Variants in HERC1 observed in about 807,000 individuals in gnomAD.
HERC1 encodes probable E3 ubiquitin-protein ligase HERC1.
In HERC1, 160 loss-of-function variants were observed where a neutral mutation model predicts 554.3. The observed-to-expected ratio is 0.29, with a 90% CI of 0.25 to 0.33. The LOEUF is 0.33. Ranked by LOEUF, HERC1 falls within the 10% of genes least tolerant of loss-of-function variation. HERC1 has a pLI of 1.00. For synonymous variants in HERC1, 2,175 were observed against 2,131.7 expected, an observed-to-expected ratio of 1.02 and a Z score of -0.56; for missense variants, 4,919 against 5,918.5, an observed-to-expected ratio of 0.83 and a Z score of 5.54.
intron 37 of HERC1, among the ~76,000 whole-genome samples, chr15:63,676,945 A>C (rs576470903): frequency 6.6e-6 from 1 of 152,196 alleles, no homozygotes; most frequent in Non-Finnish European, 1.5e-5. Flanking sequence ...ATCAAGGAAG[A>C]TACTTGACAG....
intron 55 of HERC1, among the ~76,000 whole-genome samples, chr15:63,646,676 C>T (rs1357991536): frequency 1.3e-5 from 2 of 151,232 alleles, no homozygotes; most frequent in African/African-American, 2.4e-5. Flanking sequence ...GGAGTGGTGG[C>T]GGGCGCCTGT....
rs1422532613 is a variant in HERC1, at chr15:63,654,925, T to C, written c.10085-601A>G. 2.6e-5 allele frequency among the ~76,000 whole-genome samples: 4 copies of C among 151,908 alleles called. No homozygotes were observed. In the East Asian group the frequency reaches 5.8e-4, roughly 22 times the overall value. The stretch of plus-strand genomic sequence containing the variant: ...AATAGTCTTTGCTCCAAGGACTCAG[T>C]AGACTAAGAAAGCAGCAGAAATAAT... On this transcript the variant is annotated intron_variant, in intron 50 of 77. Coordinates refer to ENST00000443617, the MANE Select transcript of HERC1 (RefSeq NM_003922.4).
Position 63,739,723 on chromosome 15 carries a change from C to T in HERC1, c.2521-4874G>A, listed in dbSNP as rs1026441558. Among the ~76,000 whole-genome samples the T allele has an allele frequency of 5.9e-5, 9 of 151,848 alleles. No individual in the cohort carries two copies. In the East Asian group the frequency reaches 7.9e-4, roughly 13 times the overall value. ...GCATGGTGGTGTGCGCCTGCAGTCCCGGCTACTCGGGAGGCGAGGCAGGAT... is the reference window on the plus strand; with the variant it reads ...GCATGGTGGTGTGCGCCTGCAGTCCTGGCTACTCGGGAGGCGAGGCAGGAT... On this transcript the variant is annotated intron_variant, in intron 12 of 77. Coordinates refer to ENST00000443617, the MANE Select transcript of HERC1 (RefSeq NM_003922.4).
chr15:63,727,606 T>C lies in HERC1; in HGVS notation c.3346+41A>G, dbSNP rs757573089. ...GTGATGTGTGCAAGAGGAACAACTT[T>C]TCTCAAAGGCATTATTTGCTCTTTT... On this transcript the variant is annotated intron_variant, in intron 17 of 77. Coordinates refer to ENST00000443617, the MANE Select transcript of HERC1 (RefSeq NM_003922.4). The surrounding 1 kb of genome is among the most constrained non-coding windows in gnomAD (Gnocchi z 4.3). 2.7e-6 allele frequency: 4 copies of C among 1,472,652 alleles called. No homozygotes were observed. In the Admixed American group the frequency reaches 7.8e-5, roughly 29 times the overall value. The allele number at this position is 1,472,652 out of a possible 1,614,324, so 91.2% of individuals were successfully genotyped here.
chr15:63,725,146 G>T, intron 18 of HERC1, 146 bp downstream of exon 18: 1 of 685,084 alleles, frequency 1.5e-6, no homozygotes, highest in Non-Finnish European at 2.4e-6. Context: ...TTTTCTTAGG[G>T]CTCCAAGTCA....
Position 63,630,475 on chromosome 15 carries a change from T to C in HERC1, c.12957A>G (p.Ser4319=), listed in dbSNP as rs2068498812. ...CAATATAAATATTTACCTGCCCTTC[T>C]GAATTGCTCCCCCAGGCATACACAT... ...NGDVYAWGSN[S]EGQLGLGHTN... Residue 4319 remains serine, a synonymous_variant, in exon 69 of 78, where the codon TCA becomes TCG. Coordinates refer to ENST00000443617, the MANE Select transcript of HERC1 (RefSeq NM_003922.4). The C allele has an allele frequency of 6.2e-7, 1 of 1,612,126 alleles. No individual in the cohort carries two copies. Among genetic ancestry groups the C allele is most frequent in the African/African-American group, 1.3e-5 (1 of 74,848 alleles).
At chr15:63,637,909 G>T (rs2068855907) in intron 63 of HERC1, among the ~76,000 whole-genome samples, 1 of 152,146 alleles carries the variant, frequency 6.6e-6, no homozygotes, top group African/African-American at 2.4e-5. Flanking sequence ...AGGGGTGATG[G>T]GGAAACATTA....
At chr15:63,705,822 G>C in intron 25 of HERC1, among the ~76,000 whole-genome samples, 1 of 151,936 alleles carries the variant, frequency 6.6e-6, no homozygotes. Context: ...TTGAGCCCAG[G>C]AGTTCAAGAC....
Position 63,637,595 on chromosome 15 carries a change from CTG to C in HERC1, c.12140_12141del (p.Thr4047SerfsTer19). The C allele has an allele frequency of 6.4e-7, 1 of 1,554,464 alleles. No homozygotes were observed. The part of the protein sequence containing the change: ...NCTFVIQANG[T>X]VLACGEGSYG... The stretch of plus-strand genomic sequence containing the variant: ...TAACTTCCTTCCCCACAAGCCAACA[CTG>C]TGCCATTGGCCTGGATGACAAAGGT... On this transcript the variant is annotated frameshift_variant, in exon 64 of 78. Transcript: ENST00000443617. LOFTEE classifies it high-confidence loss of function.
At chr15:63,817,641 G>A (rs2077535997) in intron 1 of HERC1, among the ~76,000 whole-genome samples, 1 of 152,194 alleles carries the variant, frequency 6.6e-6, no homozygotes, top group African/African-American at 2.4e-5. Flanking sequence ...CTTGAACCCA[G>A]GAGTTGGAGG....
At chr15:63,737,157 C>T (rs886127555) in intron 12 of HERC1, among the ~76,000 whole-genome samples, 8 of 151,134 alleles carry the variant, frequency 5.3e-5, no homozygotes, top group Non-Finnish European at 1.2e-4. Context: ...AACAGAAAAT[C>T]TCAATAGAAG....
chr15:63,772,418 G>A (rs1328040282), intron 2 of HERC1, among the ~76,000 whole-genome samples: 3 of 151,646 alleles, frequency 2.0e-5, no homozygotes, highest in Non-Finnish European at 4.4e-5. Context: ...CAAAGGTAAT[G>A]CAAAATAAAT....
intron 2 of HERC1, among the ~76,000 whole-genome samples, chr15:63,766,270 GTAAT>G (rs2075774492): frequency 6.6e-6 from 1 of 151,044 alleles, no homozygotes; most frequent in Non-Finnish European, 1.5e-5. Context: ...TTATATATTA[GTAAT>G]TAATTAAAAT....
At chr15:63,623,953 A>T (rs746681629) in intron 72 of HERC1, 63 bp from the exon 73 acceptor site, 8 of 1,539,292 alleles carry the variant, frequency 5.2e-6, no homozygotes, top group African/African-American at 1.4e-5. Context: ...AAATCACATG[A>T]TATCTTCCCA....
chr15:63,711,976 T>C (rs1359523424), intron 24 of HERC1, among the ~76,000 whole-genome samples: 2 of 152,238 alleles, frequency 1.3e-5, no homozygotes, highest in African/African-American at 4.8e-5. Context: ...ATCTTCTAGA[T>C]AGTTTTCGCT....
Position 63,680,203 on chromosome 15 carries a change from A to T in HERC1, c.6466-43T>A, listed in dbSNP as rs1567006217. 4.1e-6 allele frequency: 6 copies of T among 1,466,786 alleles called. No individual in the cohort carries two copies. The highest frequency in any genetic ancestry group is 2.3e-5 in the East Asian group (1 of 44,120). 90.9% of individuals were successfully genotyped at this position (1,466,786 alleles called of 1,614,324 possible). ...TGAGGAAAAGAAAAAGGAAATAGAA[A>T]TTTTTTTAATTCACAATATCTAACC... is the stretch of plus-strand genomic sequence containing the variant. On this transcript the variant is annotated intron_variant, in intron 35 of 77. Transcript: ENST00000443617. The surrounding 1 kb of genome is among the most constrained non-coding windows in gnomAD (Gnocchi z 5.8).
chr15:63,832,615 C>A (rs2078196278), intron 1 of HERC1, among the ~76,000 whole-genome samples: 1 of 152,030 alleles, frequency 6.6e-6, no homozygotes, highest in Non-Finnish European at 1.5e-5. Flanking sequence ...GGTACTAGAC[C>A]CAAACAGACA....
At chr15:63,679,639 C>T (rs2071379489) in intron 36 of HERC1, among the ~76,000 whole-genome samples, 1 of 152,200 alleles carries the variant, frequency 6.6e-6, no homozygotes, top group Non-Finnish European at 1.5e-5. Context: ...ATACTGTTGT[C>T]ATGAAGTTCA....
intron 53 of HERC1, among the ~76,000 whole-genome samples, chr15:63,650,875 G>C (rs1440826998): frequency 2.6e-5 from 4 of 151,982 alleles, no homozygotes; most frequent in Non-Finnish European, 5.9e-5. Flanking sequence ...TTCCAGAGAG[G>C]TATAATAAAA....
Sources: gnomAD v4.1 joint callset for allele counts (sites outside exome capture counted in the v4.1 genomes callset) on GRCh38, gnomAD v4.1.1 for gene constraint, Gnocchi (gnomAD v3.1) non-coding constraint, MANE v1.5 for transcripts, NCBI Gene and HGNC (gene_info 2026-07-23, HGNC 2026-07-21) for gene names.